The following CCSER1 variants were observed in gnomAD, a reference collection of about 807,000 sequenced individuals.
CCSER1 encodes coiled-coil serine rich protein 1.
In CCSER1, 41 loss-of-function variants were observed where a neutral mutation model predicts 82.0. The observed-to-expected ratio is 0.50, with a 90% CI of 0.39 to 0.65. The LOEUF is 0.65. Ranked by LOEUF, CCSER1 falls within the 30% of genes least tolerant of loss-of-function variation. The pLI is 0.00. For missense variants in CCSER1, 1,119 were observed against 1,064.2 expected (o/e 1.05, Z -0.72); for synonymous variants, 414 against 383.9 (o/e 1.08, Z -0.92).
intron 10 of CCSER1, among the ~76,000 whole-genome samples, chr4:91,092,869 G>T (rs1431906912): frequency 6.6e-6 from 1 of 152,108 alleles, no homozygotes; most frequent in Non-Finnish European, 1.5e-5. Flanking sequence ...TCTGCTCAGG[G>T]GTTTCCTTGG....
intron 4 of CCSER1, among the ~76,000 whole-genome samples, chr4:90,417,379 A>G (rs1420664829): frequency 1.3e-5 from 2 of 152,112 alleles, no homozygotes; most frequent in African/African-American, 4.8e-5. Flanking sequence ...AACCATTAAT[A>G]TTAACCATTA....
chr4:90,417,358 TA>T (rs1301119464), intron 4 of CCSER1, among the ~76,000 whole-genome samples: 1 of 152,118 alleles, frequency 6.6e-6, no homozygotes, highest in East Asian at 1.9e-4. Context: ...TTAAATACCT[TA>T]AAAATTATTA....
intron 5 of CCSER1, among the ~76,000 whole-genome samples, chr4:90,517,454 T>C (rs1772440825): frequency 6.6e-6 from 1 of 152,060 alleles, no homozygotes; most frequent in African/African-American, 2.4e-5. Context: ...CATAAGTAGA[T>C]AGGTGTTGGT....
At chr4:90,364,309 A>G (rs1217654049) in intron 3 of CCSER1, among the ~76,000 whole-genome samples, 2 of 152,016 alleles carry the variant, frequency 1.3e-5, no homozygotes, top group African/African-American at 4.8e-5. Flanking sequence ...CATTTTTCCC[A>G]CTAACTGAAT....
In CCSER1 at chr4:91,383,351, C is replaced by CT. The variant is rs967825078; in HGVS notation, c.2218-215211dup. Among the ~76,000 whole-genome samples, 150 of 148,542 alleles carry CT rather than the reference C, an allele frequency of 1.0e-3. 1 individual carries two copies. The highest frequency in any genetic ancestry group is 1.3e-3 in the Non-Finnish European group (85 of 66,980). On this transcript the variant is annotated intron_variant, in intron 10 of 10. Transcript: ENST00000509176. ...ACCATTTTTTCTTCATGTTATCTCA[C>CT]TTTTTTTTTTCAAAAAGGAGATCAG...
At chr4:90,946,012 G>T (rs1388641209) in intron 9 of CCSER1, among the ~76,000 whole-genome samples, 1 of 152,154 alleles carries the variant, frequency 6.6e-6, no homozygotes, top group Middle Eastern at 3.4e-3. Context: ...CAAGTATTCT[G>T]CTCAATAGGG....
chr4:90,148,655 A>G (rs1213660478), intron 1 of CCSER1, among the ~76,000 whole-genome samples: 2 of 152,162 alleles, frequency 1.3e-5, no homozygotes, highest in African/African-American at 4.8e-5. Flanking sequence ...CCCAAACTCT[A>G]TCTCATTTGA....
At chr4:90,808,125 A>G (rs1171141868) in intron 7 of CCSER1, among the ~76,000 whole-genome samples, 4 of 152,186 alleles carry the variant, frequency 2.6e-5, no homozygotes, top group African/African-American at 7.2e-5. Flanking sequence ...AAAGCCAACA[A>G]AAACATACAC....
At chr4:90,169,769 C>T (rs1156704918) in intron 1 of CCSER1, among the ~76,000 whole-genome samples, 1 of 151,804 alleles carries the variant, frequency 6.6e-6, no homozygotes, top group African/African-American at 2.4e-5. Context: ...ATTAGTTAGC[C>T]TTTGTCTACA....
At chr4:90,941,911 T>C (rs891202110) in intron 9 of CCSER1, among the ~76,000 whole-genome samples, 3 of 152,270 alleles carry the variant, frequency 2.0e-5, no homozygotes, top group African/African-American at 7.2e-5. Context: ...TAAGAGTTGT[T>C]AGAATATCCT....
At chr4:90,774,029 T>C (rs537637243) in intron 7 of CCSER1, among the ~76,000 whole-genome samples, 13 of 152,290 alleles carry the variant, frequency 8.5e-5, no homozygotes, top group South Asian at 4.1e-4. Context: ...TTATAAATAC[T>C]GTAAGTGCCT....
chr4:91,586,949 G>C (rs575828621), intron 10 of CCSER1, among the ~76,000 whole-genome samples: 1 of 151,690 alleles, frequency 6.6e-6, no homozygotes, highest in East Asian at 1.9e-4. Flanking sequence ...ATAATGAATA[G>C]ATATGAATGA....
At chr4:91,074,091 G>T (rs1044042897) in intron 9 of CCSER1, among the ~76,000 whole-genome samples, 1 of 152,156 alleles carries the variant, frequency 6.6e-6, no homozygotes. Flanking sequence ...TAGCTGCAAC[G>T]TGAAACTAAC....
intron 9 of CCSER1, among the ~76,000 whole-genome samples, chr4:91,006,154 T>A (rs969599225): frequency 1.3e-5 from 2 of 152,208 alleles, no homozygotes; most frequent in African/African-American, 4.8e-5. Flanking sequence ...ATTTGAAGAT[T>A]GCTTCAAATT....
At chr4:91,340,434 C>A in intron 10 of CCSER1, among the ~76,000 whole-genome samples, 1 of 151,924 alleles carries the variant, frequency 6.6e-6, no homozygotes. Flanking sequence ...GATATAATTC[C>A]ATGAAGAATG....
At chr4:91,004,298 C>T (rs1738312271) in intron 9 of CCSER1, among the ~76,000 whole-genome samples, 1 of 152,196 alleles carries the variant, frequency 6.6e-6, no homozygotes. Flanking sequence ...ATGGGCCAGG[C>T]TGCCACCTCC....
intron 9 of CCSER1, among the ~76,000 whole-genome samples, chr4:91,045,373 A>G (rs1205999107): frequency 6.6e-6 from 1 of 152,212 alleles, no homozygotes; most frequent in Non-Finnish European, 1.5e-5. Context: ...CAAGTGTCTT[A>G]GAAAAGATTT....
intron 7 of CCSER1, among the ~76,000 whole-genome samples, chr4:90,776,145 G>T (rs1156413804): frequency 1.3e-5 from 2 of 152,032 alleles, no homozygotes; most frequent in African/African-American, 4.8e-5. Context: ...TAAAACAATT[G>T]TACTGTATGA....
rs1265814314 is a variant in CCSER1 at position 91,471,956 on chromosome 4, C to T, written c.2218-126616C>T. Among the ~76,000 whole-genome samples, 25 of 118,356 alleles carry T rather than the reference C, an allele frequency of 2.1e-4. 1 individual carries two copies. The South Asian group carries it at 6.0e-3, about 29-fold the overall frequency. 77.6% of individuals were successfully genotyped at this position (118,356 alleles called of 152,430 possible). On this transcript the variant is annotated intron_variant, in intron 10 of 10. Coordinates refer to ENST00000509176, the MANE Select transcript of CCSER1 (RefSeq NM_001145065.2). ...CTGCACTCCAGTCTGGGCGACAGAGCGACACTCCATCTCAAAAAAAAAAAA... is the reference window on the plus strand; with the variant it reads ...CTGCACTCCAGTCTGGGCGACAGAGTGACACTCCATCTCAAAAAAAAAAAA...
Sources: gnomAD v4.1 joint callset for allele counts (sites outside exome capture counted in the v4.1 genomes callset) on GRCh38, gnomAD v4.1.1 for gene constraint, MANE v1.5 for transcripts, NCBI Gene and HGNC (gene_info 2026-07-23, HGNC 2026-07-21) for gene names.